CAMTA1: variants seen among roughly 807,000 people sequenced by gnomAD.
CAMTA1 encodes the protein calmodulin-binding transcription activator 1.
In CAMTA1, 27 loss-of-function variants were observed where a neutral mutation model predicts 170.9. The ratio of observed to expected loss-of-function variants is 0.16; its 90% CI spans 0.12 to 0.22. The LOEUF (loss-of-function observed/expected upper bound fraction) is 0.22. CAMTA1 is among the 10% of genes least tolerant of loss of function. The pLI is 1.00. For synonymous variants in CAMTA1, 833 were observed against 891.5 expected, an observed-to-expected ratio of 0.93 and a Z score of 1.17; for missense variants, 1,619 against 2,217.2, an observed-to-expected ratio of 0.73 and a Z score of 5.42.
At chr1:7,655,117 TACAC>T (rs568780846) in intron 7 of CAMTA1, among the ~76,000 whole-genome samples, 1 of 110,236 alleles carries the variant, frequency 9.1e-6, no homozygotes, top group Non-Finnish European at 1.8e-5. Flanking sequence ...CACACACCTA[TACAC>T]ACACCTCTAT....
chr1:7,214,697 A>T (rs987579220), intron 4 of CAMTA1, among the ~76,000 whole-genome samples: 4 of 152,098 alleles, frequency 2.6e-5, no homozygotes, highest in African/African-American at 9.7e-5. Flanking sequence ...AGTCTACTTT[A>T]CCCATTTTTC....
intron 3 of CAMTA1, among the ~76,000 whole-genome samples, chr1:6,891,911 C>T (rs972524592): frequency 1.3e-5 from 2 of 152,200 alleles, no homozygotes; most frequent in Non-Finnish European, 2.9e-5. Flanking sequence ...CTTCGTCCCT[C>T]CCTTTTCATG....
At chr1:7,499,562 TAG>T (rs1167177777) in intron 6 of CAMTA1, among the ~76,000 whole-genome samples, 1 of 136,840 alleles carries the variant, frequency 7.3e-6, no homozygotes, top group Non-Finnish European at 1.5e-5. Context: ...CATGAGTGTG[TAG>T]AGAGGATGGT....
At chr1:7,118,482 G>A (rs1644465459) in intron 4 of CAMTA1, among the ~76,000 whole-genome samples, 1 of 151,350 alleles carries the variant, frequency 6.6e-6, no homozygotes, top group Non-Finnish European at 1.5e-5. Flanking sequence ...TTTTTTTTTG[G>A]AGAGTTGGGG....
At position 7,685,243 on chromosome 1, in the gene CAMTA1, C is replaced by G. The variant is rs546396784; in HGVS notation, c.2914+7510C>G. On this transcript the variant is annotated intron_variant, in intron 11 of 22. Coordinates refer to ENST00000303635, the MANE Select transcript of CAMTA1 (RefSeq NM_015215.4). This position sits in a 1 kb window ranked among gnomAD's most constrained non-coding sequence, Gnocchi z 5.7. ...GTTTATTGAGCATTTACTATATACACAGCAATACGTATTTAGGGAAGGATG... is the reference window on the plus strand; with the variant it reads ...GTTTATTGAGCATTTACTATATACAGAGCAATACGTATTTAGGGAAGGATG... Among the ~76,000 whole-genome samples the G allele has an allele frequency of 2.0e-4, 30 of 152,202 alleles. No homozygotes were observed. The highest frequency in any genetic ancestry group is 4.3e-4 in the Non-Finnish European group (29 of 68,034).
intron 6 of CAMTA1, among the ~76,000 whole-genome samples, chr1:7,550,654 C>G (rs2094787099): frequency 6.6e-6 from 1 of 151,258 alleles, no homozygotes; most frequent in Non-Finnish European, 1.5e-5. Flanking sequence ...ACCTACCTGG[C>G]CTCCTCGCAG....
At chr1:7,188,100 A>G (rs1420781306) in intron 4 of CAMTA1, among the ~76,000 whole-genome samples, 1 of 152,160 alleles carries the variant, frequency 6.6e-6, no homozygotes, top group Non-Finnish European at 1.5e-5. Flanking sequence ...TACCAAACAC[A>G]TAAAACCATC....
intron 3 of CAMTA1, among the ~76,000 whole-genome samples, chr1:6,875,428 G>A (rs183437493): frequency 2.0e-5 from 3 of 152,006 alleles, no homozygotes; most frequent in African/African-American, 4.8e-5. Context: ...GATTACAGGC[G>A]CCCGCGACCA....
intron 5 of CAMTA1, among the ~76,000 whole-genome samples, chr1:7,392,344 C>T (rs1194424701): frequency 6.6e-6 from 1 of 151,722 alleles, no homozygotes; most frequent in African/African-American, 2.4e-5. Context: ...CAACCTCCAC[C>T]TCCCAGGTTC....
chr1:7,677,782 G>A, intron 11 of CAMTA1, 49 bp downstream of exon 11: 1 of 1,584,464 alleles, frequency 6.3e-7, no homozygotes, highest in Non-Finnish European at 8.6e-7. Flanking sequence ...GGAGAGGGAT[G>A]CTTGGGGACT....
chr1:6,890,568 CTTT>C (rs796766815), intron 3 of CAMTA1, among the ~76,000 whole-genome samples: 1 of 141,334 alleles, frequency 7.1e-6, no homozygotes, highest in Non-Finnish European at 1.6e-5. Context: ...GGACAGTTTT[CTTT>C]TTTTTTTTTT....
intron 3 of CAMTA1, among the ~76,000 whole-genome samples, chr1:7,039,944 C>T (rs1337050112): frequency 6.6e-6 from 1 of 150,968 alleles, no homozygotes; most frequent in African/African-American, 2.5e-5. Context: ...TTAGAAGTGG[C>T]AAAACATTTT....
intron 6 of CAMTA1, among the ~76,000 whole-genome samples, chr1:7,620,357 G>A (rs998454072): frequency 2.6e-5 from 4 of 152,122 alleles, no homozygotes; most frequent in Non-Finnish European, 4.4e-5. Context: ...CAGTTGTGAG[G>A]CTGAGAAACC....
intron 1 of CAMTA1, among the ~76,000 whole-genome samples, chr1:6,786,409 G>T (rs1226806069): frequency 6.6e-6 from 1 of 151,898 alleles, no homozygotes; most frequent in Admixed American, 6.5e-5. Context: ...TTTACCTTCC[G>T]TGACCCCGAT....
intron 3 of CAMTA1, among the ~76,000 whole-genome samples, chr1:6,877,185 A>T (rs1670150029): frequency 6.6e-6 from 1 of 152,220 alleles, no homozygotes; most frequent in African/African-American, 2.4e-5. Flanking sequence ...CAAAGTAATC[A>T]TCCTTCTGCG....
intron 16 of CAMTA1, among the ~76,000 whole-genome samples, chr1:7,740,697 A>G (rs2096805598): frequency 6.6e-6 from 1 of 152,254 alleles, no homozygotes; most frequent in Non-Finnish European, 1.5e-5. Context: ...TGTATGAAAT[A>G]TAGCCAGTGC....
chr1:7,713,442 C>A lies in CAMTA1; in HGVS notation c.2915-19006C>A, dbSNP rs77757868. The stretch of plus-strand genomic sequence containing the variant: ...AATGCCTGTAAGAACTGCCCCCCAG[C>A]CCCCACCCCACAAAAAGTTTCACAT... On this transcript the variant is annotated intron_variant, in intron 11 of 22. Transcript: ENST00000303635. 4.5e-4 allele frequency among the ~76,000 whole-genome samples: 68 copies of A among 151,950 alleles called. 2 individuals are homozygous for A. In the East Asian group the frequency reaches 0.013, roughly 29 times the overall value.
intron 3 of CAMTA1, among the ~76,000 whole-genome samples, chr1:7,069,236 T>C (rs563096384): frequency 6.0e-4 from 91 of 152,356 alleles, no homozygotes; most frequent in African/African-American, 2.1e-3. Flanking sequence ...TGCCACATGC[T>C]ATGCAGAAGG....
At chr1:7,469,000 G>A (rs547645644) in intron 6 of CAMTA1, among the ~76,000 whole-genome samples, 1 of 152,338 alleles carries the variant, frequency 6.6e-6, no homozygotes, top group African/African-American at 2.4e-5. Flanking sequence ...TGGAGGCCGG[G>A]CTCAGCCTAG....
Sources: allele counts gnomAD v4.1 joint callset (sites outside exome capture counted in the v4.1 genomes callset), GRCh38; gene constraint gnomAD v4.1.1; non-coding constraint Gnocchi (gnomAD v3.1); transcripts MANE v1.5; gene names NCBI Gene and HGNC (gene_info 2026-07-23, HGNC 2026-07-21).